The following CCDC178 variants were observed in gnomAD, a reference collection of about 807,000 sequenced individuals.
The protein encoded by CCDC178 is coiled-coil domain-containing protein 178.
In CCDC178, 126 loss-of-function variants were observed where a neutral mutation model predicts 117.4. That is an observed-to-expected ratio of 1.07 (90% CI 0.93 to 1.24). The LOEUF (loss-of-function observed/expected upper bound fraction) is 1.24. Among genes scored for constraint, CCDC178 ranks in the 50% most tolerant of loss-of-function variants. The pLI is 0.00. For synonymous variants in CCDC178, 283 were observed against 313.4 expected, an observed-to-expected ratio of 0.90 and a Z score of 1.02; for missense variants, 1,030 against 986.9, an observed-to-expected ratio of 1.04 and a Z score of -0.59.
At chr18:33,433,816 A>G (rs950145258) in intron 2 of CCDC178, among the ~76,000 whole-genome samples, 1 of 146,974 alleles carries the variant, frequency 6.8e-6, no homozygotes, top group African/African-American at 2.5e-5. Flanking sequence ...GTGTGTGGAA[A>G]GATATTTTCT....
rs34066381 is a variant in CCDC178 at position 33,164,599 on chromosome 18, C to CAA, written c.2238+47295_2238+47296dup. Among the ~76,000 whole-genome samples, 1,001 of 137,700 alleles carry CAA rather than the reference C, an allele frequency of 7.3e-3. 5 individuals are homozygous for CAA. The highest frequency in any genetic ancestry group is 8.2e-3 in the African/African-American group (312 of 38,136). The allele number at this position is 137,700 out of a possible 152,430, so 90.3% of individuals were successfully genotyped here. The stretch of plus-strand genomic sequence containing the variant: ...TGTGCAAAATAACTATCTTCCCTAG[C>CAA]AAAAAAAAAAAATGGTGGTAAGAAG... On this transcript the variant is annotated intron_variant, in intron 20 of 22. Coordinates refer to ENST00000383096, the MANE Select transcript of CCDC178 (RefSeq NM_001105528.4).
Position 33,334,271 on chromosome 18 carries a change from C to T in CCDC178, c.659-877G>A, listed in dbSNP as rs1159627849. 3.3e-5 allele frequency among the ~76,000 whole-genome samples: 5 copies of T among 152,026 alleles called. No homozygotes were observed. The East Asian group carries it at 9.6e-4, about 29-fold the overall frequency. On this transcript the variant is annotated intron_variant, in intron 9 of 22. Coordinates refer to ENST00000383096, the MANE Select transcript of CCDC178 (RefSeq NM_001105528.4). ...TACATAAATCTATTAATAAACCTAA[C>T]ATGAACTGGGTAAGGTCTGTAAGGG...
intron 22 of CCDC178, among the ~76,000 whole-genome samples, chr18:32,939,774 A>G (rs1169200004): frequency 1.3e-5 from 2 of 152,154 alleles, no homozygotes; most frequent in Non-Finnish European, 2.9e-5. Context: ...AGCATCCATG[A>G]GTTCCGGCTT....
At chr18:33,258,281 T>C (rs938967277) in intron 14 of CCDC178, among the ~76,000 whole-genome samples, 3 of 152,118 alleles carry the variant, frequency 2.0e-5, no homozygotes, top group African/African-American at 7.2e-5. Context: ...CTCTGTGAAT[T>C]ACCCCTCTCA....
chr18:33,264,952 C>G (rs1335280714), intron 14 of CCDC178, among the ~76,000 whole-genome samples: 2 of 152,180 alleles, frequency 1.3e-5, no homozygotes, highest in Admixed American at 1.3e-4. Context: ...CTGTCACACA[C>G]TCTCCCTTTC....
At chr18:33,258,722 C>G (rs1393078793) in intron 14 of CCDC178, among the ~76,000 whole-genome samples, 2 of 152,092 alleles carry the variant, frequency 1.3e-5, no homozygotes, top group African/African-American at 2.4e-5. Flanking sequence ...AGTCTGTTTT[C>G]TTTAAATATA....
At chr18:33,064,834 T>G (rs1026735894) in intron 21 of CCDC178, among the ~76,000 whole-genome samples, 6 of 150,990 alleles carry the variant, frequency 4.0e-5, no homozygotes, top group African/African-American at 1.5e-4. Flanking sequence ...CAACGAACAA[T>G]AAAAGAAAAA....
chr18:33,398,688 T>G (rs1261426790), intron 3 of CCDC178, among the ~76,000 whole-genome samples: 3 of 152,104 alleles, frequency 2.0e-5, no homozygotes, highest in African/African-American at 7.2e-5. Flanking sequence ...AGGGAACACA[T>G]TAGAGTGAAA....
chr18:33,421,273 A>AG (rs2064020695), intron 2 of CCDC178, among the ~76,000 whole-genome samples: 1 of 152,210 alleles, frequency 6.6e-6, no homozygotes, highest in Non-Finnish European at 1.5e-5. Context: ...AACAACAAAA[A>AG]GATCTACTGC....
chr18:33,152,955 G>C (rs1363445647), intron 20 of CCDC178, among the ~76,000 whole-genome samples: 1 of 151,170 alleles, frequency 6.6e-6, no homozygotes, highest in African/African-American at 2.4e-5. Flanking sequence ...GAGCAGAAAA[G>C]AGACTATAGG....
rs71177899 is a variant in CCDC178, at chr18:33,011,767, C to CAAAAAAA, written c.2389-37093_2389-37087dup. 1.1e-3 allele frequency among the ~76,000 whole-genome samples: 33 copies of CAAAAAAA among 29,992 alleles called. 7 individuals carry two copies. The highest frequency in any genetic ancestry group is 1.3e-3 in the Non-Finnish European group (14 of 11,124). 19.7% of individuals were successfully genotyped at this position (29,992 alleles called of 152,430 possible). On this transcript the variant is annotated intron_variant, in intron 21 of 22. Transcript: ENST00000383096. The stretch of plus-strand genomic sequence containing the variant: ...ACGTGGCAAATGATTGAGCAGAATG[C>CAAAAAAA]AAAAAAAAAAAAAAAAAAAAAAAAA...
chr18:33,307,425 C>T (rs9960086), intron 11 of CCDC178, among the ~76,000 whole-genome samples: 53 of 152,226 alleles, frequency 3.5e-4, no homozygotes, highest in African/African-American at 1.2e-3. Context: ...GAACTTTGAA[C>T]TTGAGAGAGA....
At position 33,362,608 on chromosome 18, in the gene CCDC178, T is replaced by C. The variant is rs76846262; in HGVS notation, c.349-6262A>G. On this transcript the variant is annotated intron_variant, in intron 6 of 22. Coordinates refer to ENST00000383096, the MANE Select transcript of CCDC178 (RefSeq NM_001105528.4). ...GAAATATATGAGACTAACATAGATA[T>C]GTTAGCCGGCTTCACTATAGTAACC... Among the ~76,000 whole-genome samples, 353 of 152,070 alleles carry C rather than the reference T, an allele frequency of 2.3e-3. 15 individuals carry two copies. In the East Asian group the frequency reaches 0.064, roughly 27 times the overall value.
At chr18:33,421,440 T>C (rs1038858714) in intron 2 of CCDC178, among the ~76,000 whole-genome samples, 12 of 152,228 alleles carry the variant, frequency 7.9e-5, no homozygotes, top group African/African-American at 1.7e-4. Context: ...AGGAAGCTGA[T>C]TGTTAAAATT....
intron 14 of CCDC178, among the ~76,000 whole-genome samples, chr18:33,246,240 C>A (rs1330532167): frequency 6.6e-6 from 1 of 151,768 alleles, no homozygotes; most frequent in Non-Finnish European, 1.5e-5. Flanking sequence ...GGAGCGGTAT[C>A]TAAACCTTGT....
intron 18 of CCDC178, among the ~76,000 whole-genome samples, chr18:33,221,289 G>T (rs1453891933): frequency 6.6e-6 from 1 of 152,124 alleles, no homozygotes; most frequent in Admixed American, 6.6e-5. Flanking sequence ...AAAGTAAGCT[G>T]ACTCTAACAG....
At chr18:33,323,989 A>G (rs571744063) in intron 10 of CCDC178, among the ~76,000 whole-genome samples, 2 of 151,872 alleles carry the variant, frequency 1.3e-5, no homozygotes, top group Non-Finnish European at 3.0e-5. Context: ...CTCCACTAAG[A>G]AAAACCATTA....
At chr18:33,239,202 T>C (rs2059458517) in intron 15 of CCDC178, among the ~76,000 whole-genome samples, 1 of 151,944 alleles carries the variant, frequency 6.6e-6, no homozygotes, top group South Asian at 2.1e-4. Context: ...AGAGCCAATA[T>C]ACACAGTAGA....
At chr18:33,090,562 G>C (rs528407115) in intron 21 of CCDC178, among the ~76,000 whole-genome samples, 2 of 152,142 alleles carry the variant, frequency 1.3e-5, no homozygotes, top group East Asian at 1.9e-4. Flanking sequence ...CATTTTTGTT[G>C]GCCAAATTCC....
Sources: gnomAD v4.1 joint callset for allele counts (sites outside exome capture counted in the v4.1 genomes callset) on GRCh38, gnomAD v4.1.1 for gene constraint, MANE v1.5 for transcripts, NCBI Gene and HGNC (gene_info 2026-07-23, HGNC 2026-07-21) for gene names.